OR5H2: variants seen among roughly 807,000 people sequenced by gnomAD.
OR5H2 encodes olfactory receptor 5H2.
For synonymous variants in OR5H2, 132 were observed against 126.8 expected (o/e 1.04, Z -0.27); for missense variants, 391 against 364.4 (o/e 1.07, Z -0.59).
At position 98,283,695 on chromosome 3, in the gene OR5H2, C is replaced by T; in HGVS notation, c.793C>T (p.Pro265Ser). The change falls in exon 1 of 1, where the codon CCA becomes TCA. Residue 265 changes from proline (P) to serine (S), a missense_variant. Transcript: ENST00000355273. ...LIFMYLRPAS[P>S]QADDQDMIDS... ...CTTCATGTATTTGCGCCCTGCATCT[C>T]CACAAGCAGATGACCAAGATATGAT... The T allele has an allele frequency of 1.2e-6, 2 of 1,612,864 alleles. No individual in the cohort carries two copies. Among genetic ancestry groups the T allele is most frequent in the Non-Finnish European group, 1.7e-6 (2 of 1,179,494 alleles).
At position 98,284,051 on chromosome 3, in the gene OR5H2, GA is replaced by G. The variant is rs1355333268; in HGVS notation, c.*223del. 3.3e-5 allele frequency among the ~76,000 whole-genome samples: 5 copies of G among 152,220 alleles called. No individual in the cohort carries two copies. The highest frequency in any genetic ancestry group is 1.2e-4 in the African/African-American group (5 of 41,550). On this transcript the variant is annotated 3_prime_UTR_variant, in exon 1 of 1. Coordinates refer to ENST00000355273, the MANE Select transcript of OR5H2 (RefSeq NM_001005482.2). The stretch of plus-strand genomic sequence containing the variant: ...CATGTTATATTAGATAATTAAAGCA[GA>G]AAACAAATGAAAACATTTATAGGTT...
rs1180751587 is a variant in OR5H2 at position 98,283,794 on chromosome 3, A to G, written c.892A>G (p.Ile298Val). ...CTACAGTCTGAGAAATAAACAAGTA[A>G]TAGATTCATTCACAAAAATGGTAAA... ...IIYSLRNKQV[I>V]DSFTKMVKRN... The change falls in exon 1 of 1, where the codon ATA becomes GTA. Residue 298 changes from isoleucine (I) to valine (V), a missense_variant. Ile to Val is a conservative substitution (Grantham distance 29, BLOSUM62 3). Transcript: ENST00000355273. The G allele has an allele frequency of 6.4e-7, 1 of 1,553,456 alleles. No homozygotes were observed. The highest frequency in any genetic ancestry group is 1.4e-5 in the African/African-American group (1 of 72,142).
Position 98,282,736 on chromosome 3 carries a change from C to A in OR5H2, c.-167C>A. ...CATTTATTTTGATTTCTTATATTTC[C>A]CAAAACAGTTTCCATCTATTACAGG... On this transcript the variant is annotated 5_prime_UTR_variant, in exon 1 of 1. Coordinates refer to ENST00000355273, the MANE Select transcript of OR5H2 (RefSeq NM_001005482.2). 2 of 571,464 alleles carry A rather than the reference C, an allele frequency of 3.5e-6. No homozygotes were observed. The highest frequency in any genetic ancestry group is 6.0e-6 in the Non-Finnish European group (2 of 331,478). 35.4% of individuals were successfully genotyped at this position (571,464 alleles called of 1,614,324 possible). A position where few individuals can be genotyped will look rare whatever the true frequency, so the allele number is the denominator to read the frequency against.
chr3:98,283,747 T>G lies in OR5H2; in HGVS notation c.845T>G (p.Ile282Ser), dbSNP rs771468417. Residue 282 changes from isoleucine (I) to serine (S), a missense_variant, in exon 1 of 1, where the codon ATT becomes AGT. Transcript: ENST00000355273. The stretch of plus-strand genomic sequence containing the variant: ...GACTCTGTCTTTTATACAATCATAA[T>G]TCCTTTGCTAAATCCCATTATCTAC... Reference protein sequence around the residue: ...MIDSVFYTIIIPLLNPIIYSL... With the variant: ...MIDSVFYTIISPLLNPIIYSL... The G allele has an allele frequency of 6.2e-7, 1 of 1,601,286 alleles. No homozygotes were observed. The highest frequency in any genetic ancestry group is 2.2e-5 in the East Asian group (1 of 44,778).
chr3:98,283,475 C>T lies in OR5H2; in HGVS notation c.573C>T (p.Asp191=), dbSNP rs1706159350. 1 of 1,608,922 alleles carries T rather than the reference C, an allele frequency of 6.2e-7. No individual in the cohort carries two copies. Among genetic ancestry groups the T allele is most frequent in the African/African-American group, 1.3e-5 (1 of 74,602 alleles). Residue 191 remains aspartate (D), a synonymous_variant, in exon 1 of 1, where the codon GAC becomes GAT. Transcript: ENST00000355273. ...IIPLFMISCT[D]PSINFLMVFI... The stretch of plus-strand genomic sequence containing the variant: ...CACTGTTTATGATTTCCTGTACTGA[C>T]CCTTCTATTAATTTTCTAATGGTTT...
Position 98,283,082 on chromosome 3 carries a change from C to A in OR5H2, c.180C>A (p.Tyr60Ter), listed in dbSNP as rs1381083861. Reference sequence around the variant, plus strand: ...ACCCACAACTTCACATCCCCATGTACTTTTTTCTTGGGAGTTTAGCCTTTG... The same window carrying A: ...ACCCACAACTTCACATCCCCATGTAATTTTTTCTTGGGAGTTTAGCCTTTG... The part of the protein sequence containing the change: ...WNDPQLHIPM[Y>*]FFLGSLAFVD... The change falls in exon 1 of 1, where the codon TAC becomes TAA. Residue 60 changes from tyrosine (Y) to a stop codon, truncating the protein, a stop_gained. Coordinates refer to ENST00000355273, the MANE Select transcript of OR5H2 (RefSeq NM_001005482.2). LOFTEE classifies it low-confidence loss of function (END_TRUNC). The A allele has an allele frequency of 6.2e-7, 1 of 1,613,972 alleles. No homozygotes were observed. The highest frequency in any genetic ancestry group is 2.2e-5 in the East Asian group (1 of 44,868).
Position 98,283,374 on chromosome 3 carries a change from A to T in OR5H2, c.472A>T (p.Ile158Phe). 1 of 1,611,732 alleles carries T rather than the reference A, an allele frequency of 6.2e-7. No individual in the cohort carries two copies. Residue 158 changes from isoleucine (I) to phenylalanine (F), a missense_variant, in exon 1 of 1, where the codon ATT becomes TTT. Physicochemically the swap from Ile to Phe is conservative, Grantham distance 21 (BLOSUM62 0). Transcript: ENST00000355273. ...TTTAGGTGGCTTCCTCCATGCCTTAATTCATGAAGTCCTTATATTCAGATT... is the reference window on the plus strand; with the variant it reads ...TTTAGGTGGCTTCCTCCATGCCTTATTTCATGAAGTCCTTATATTCAGATT... ...SFLGGFLHAL[I>F]HEVLIFRLTF...
In OR5H2 at chr3:98,282,911, GGAT is replaced by G; in HGVS notation, c.10_12del (p.Asp4del). The stretch of plus-strand genomic sequence containing the variant: ...GGATGTCGAATGAGGACATGGAACA[GGAT>G]AATACAACATTGCTGACAGAGTTTG... On this transcript the variant is annotated inframe_deletion, in exon 1 of 1. Transcript: ENST00000355273. 6.2e-7 allele frequency: 1 copy of G among 1,613,816 alleles called. No individual in the cohort carries two copies. Among genetic ancestry groups the G allele is most frequent in the Non-Finnish European group, 8.5e-7 (1 of 1,179,806 alleles).
In OR5H2 at chr3:98,283,169, C is replaced by T. The variant is rs200743162; in HGVS notation, c.267C>T (p.Asn89=). The T allele has an allele frequency of 6.2e-7, 1 of 1,614,044 alleles. No homozygotes were observed. The highest frequency in any genetic ancestry group is 8.5e-7 in the Non-Finnish European group (1 of 1,179,952). ...TGTTGGTTAATTTCTTGGCCAAAAA[C>T]AGGATGATATCTCTGTCTGAATGCA... ...PKMLVNFLAK[N]RMISLSECMI... The change falls in exon 1 of 1, where the codon AAC becomes AAT. Residue 89 remains asparagine, a synonymous_variant. Transcript: ENST00000355273.
At position 98,282,844 on chromosome 3, in the gene OR5H2, T is replaced by C. The variant is rs1041454833; in HGVS notation, c.-59T>C. ...CCTCCCCCAGTATTTGCTGTATAAG[T>C]CTTAGTGAATGCTCTTTTACATTTA... On this transcript the variant is annotated 5_prime_UTR_variant, in exon 1 of 1. Coordinates refer to ENST00000355273, the MANE Select transcript of OR5H2 (RefSeq NM_001005482.2). 6.8e-7 allele frequency: 1 copy of C among 1,476,642 alleles called. No homozygotes were observed. The highest frequency in any genetic ancestry group is 9.4e-7 in the Non-Finnish European group (1 of 1,059,420). 91.5% of individuals were successfully genotyped at this position (1,476,642 alleles called of 1,614,324 possible).
In OR5H2 at chr3:98,282,958, A is replaced by G; in HGVS notation, c.56A>G (p.Tyr19Cys). 1 of 1,613,988 alleles carries G rather than the reference A, an allele frequency of 6.2e-7. No homozygotes were observed. Among genetic ancestry groups the G allele is most frequent in the South Asian group, 1.1e-5 (1 of 91,072 alleles). ...GAGTTTGTTCTCACAGGACTTACATATCAGCCAGAGTGGAAAATGCCCCTG... is the reference window on the plus strand; with the variant it reads ...GAGTTTGTTCTCACAGGACTTACATGTCAGCCAGAGTGGAAAATGCCCCTG... ...LTEFVLTGLT[Y>C]QPEWKMPLFL... is the part of the protein sequence containing the mutation. The change falls in exon 1 of 1, where the codon TAT becomes TGT. Residue 19 changes from tyrosine to cysteine, a missense_variant. Tyr to Cys is a radical substitution (Grantham distance 194, BLOSUM62 -2). Coordinates refer to ENST00000355273, the MANE Select transcript of OR5H2 (RefSeq NM_001005482.2).
At position 98,283,001 on chromosome 3, in the gene OR5H2, G is replaced by A; in HGVS notation, c.99G>A (p.Val33=). The change falls in exon 1 of 1, where the codon GTG becomes GTA. Residue 33 remains valine, a synonymous_variant. Coordinates refer to ENST00000355273, the MANE Select transcript of OR5H2 (RefSeq NM_001005482.2). ...WKMPLFLVFL[V]IYLITIVWNL... is the part of the protein sequence containing the mutation. ...TGCCCCTGTTCTTGGTGTTCTTGGT[G>A]ATCTATCTCATCACTATTGTGTGGA... 1.9e-6 allele frequency: 3 copies of A among 1,613,932 alleles called. No homozygotes were observed. Among genetic ancestry groups the A allele is most frequent in the Non-Finnish European group, 2.5e-6 (3 of 1,179,894 alleles).
Position 98,282,884 on chromosome 3 carries a change from A to C in OR5H2, c.-19A>C. 1 of 1,610,018 alleles carries C rather than the reference A, an allele frequency of 6.2e-7. No homozygotes were observed. The highest frequency in any genetic ancestry group is 8.5e-7 in the Non-Finnish European group (1 of 1,177,386). Reference sequence around the variant, plus strand: ...TTTTACATTTACTGCATTTCATTTCAGGGATGTCGAATGAGGACATGGAAC... The same window carrying C: ...TTTTACATTTACTGCATTTCATTTCCGGGATGTCGAATGAGGACATGGAAC... On this transcript the variant is annotated 5_prime_UTR_variant, in exon 1 of 1. Coordinates refer to ENST00000355273, the MANE Select transcript of OR5H2 (RefSeq NM_001005482.2).
chr3:98,283,042 C>T lies in OR5H2; in HGVS notation c.140C>T (p.Ala47Val), dbSNP rs944381672. 28 of 1,613,996 alleles carry T rather than the reference C, an allele frequency of 1.7e-5. No homozygotes were observed. The highest frequency in any genetic ancestry group is 2.2e-5 in the Non-Finnish European group (26 of 1,179,924). ...ITIVWNLGLI[A>V]LIWNDPQLHI... ...ATTGTGTGGAACCTTGGTCTGATTG[C>T]TCTTATCTGGAATGACCCACAACTT... The change falls in exon 1 of 1, where the codon GCT becomes GTT. Residue 47 changes from alanine (A) to valine (V), a missense_variant. Ala to Val is a moderately conservative substitution (Grantham distance 64). Transcript: ENST00000355273.
Position 98,283,838 on chromosome 3 carries a change from AT to A in OR5H2, c.*7del, listed in dbSNP as rs1706168488. Reference sequence around the variant, plus strand: ...TGGTAAAAAGAAATGTTTAGATTTCATAGTGATATCTCTCATTTTCAGTAAA... The same window carrying A: ...TGGTAAAAAGAAATGTTTAGATTTCAAGTGATATCTCTCATTTTCAGTAAA... On this transcript the variant is annotated 3_prime_UTR_variant, in exon 1 of 1. Transcript: ENST00000355273. 1.4e-6 allele frequency: 2 copies of A among 1,441,010 alleles called. No individual in the cohort carries two copies. Among genetic ancestry groups the A allele is most frequent in the African/African-American group, 2.9e-5 (2 of 69,230 alleles). The allele number at this position is 1,441,010 out of a possible 1,614,324, so 89.3% of individuals were successfully genotyped here. A position where few individuals can be genotyped will look rare whatever the true frequency, so the allele number is the denominator to read the frequency against.
rs1163241781 is a variant in OR5H2 at position 98,283,967 on chromosome 3, C to A, written c.*135C>A. The A allele has an allele frequency of 2.3e-5, 12 of 513,612 alleles. No individual in the cohort carries two copies. The highest frequency in any genetic ancestry group is 4.0e-5 in the Non-Finnish European group (12 of 300,398). The allele number at this position is 513,612 out of a possible 1,614,324, so 31.8% of individuals were successfully genotyped here. ...GACTTAGGGTTTTATACCTAATAAA[C>A]TCCTTAAAATATTTATATATGTTAT... is the stretch of plus-strand genomic sequence containing the variant. On this transcript the variant is annotated 3_prime_UTR_variant, in exon 1 of 1. Transcript: ENST00000355273.
Position 98,283,653 on chromosome 3 carries a change from T to A in OR5H2, c.751T>A (p.Tyr251Asn). 6.2e-7 allele frequency: 1 copy of A among 1,613,604 alleles called. No individual in the cohort carries two copies. The highest frequency in any genetic ancestry group is 2.2e-5 in the East Asian group (1 of 44,846). The change falls in exon 1 of 1, where the codon TAT becomes AAT. Residue 251 changes from tyrosine to asparagine, a missense_variant. Physicochemically the swap from Tyr to Asn is moderately radical, Grantham distance 143. Coordinates refer to ENST00000355273, the MANE Select transcript of OR5H2 (RefSeq NM_001005482.2). ...CGAHLLSVSL[Y>N]YGPLIFMYLR... Reference sequence around the variant, plus strand: ...AGCCCATCTCTTATCTGTCTCTTTATATTATGGCCCACTTATCTTCATGTA... The same window carrying A: ...AGCCCATCTCTTATCTGTCTCTTTAAATTATGGCCCACTTATCTTCATGTA...
rs1215812756 is a variant in OR5H2 at position 98,282,927 on chromosome 3, C to T, written c.25C>T (p.Leu9=). ...CATGGAACAGGATAATACAACATTG[C>T]TGACAGAGTTTGTTCTCACAGGACT... The part of the protein sequence containing the change: MEQDNTTL[L]TEFVLTGLTY... Residue 9 remains leucine, a synonymous_variant, in exon 1 of 1, where the codon CTG becomes TTG. Transcript: ENST00000355273. The T allele has an allele frequency of 1.2e-6, 2 of 1,613,890 alleles. No homozygotes were observed. Among genetic ancestry groups the T allele is most frequent in the Non-Finnish European group, 1.7e-6 (2 of 1,179,854 alleles).
rs771744451 is a variant in OR5H2, at chr3:98,283,843, G to A, written c.*11G>A. ...AAAAGAAATGTTTAGATTTCATAGT[G>A]ATATCTCTCATTTTCAGTAAAAAGA... On this transcript the variant is annotated 3_prime_UTR_variant, in exon 1 of 1. Transcript: ENST00000355273. 7.1e-7 allele frequency: 1 copy of A among 1,411,262 alleles called. No homozygotes were observed. Among genetic ancestry groups the A allele is most frequent in the South Asian group, 1.3e-5 (1 of 77,700 alleles). The allele number at this position is 1,411,262 out of a possible 1,614,324, so 87.4% of individuals were successfully genotyped here. A position where few individuals can be genotyped will look rare whatever the true frequency, so the allele number is the denominator to read the frequency against.
Sources: gnomAD v4.1 joint callset for allele counts (sites outside exome capture counted in the v4.1 genomes callset) on GRCh38, gnomAD v4.1.1 for gene constraint, MANE v1.5 for transcripts, NCBI Gene and HGNC (gene_info 2026-07-23, HGNC 2026-07-21) for gene names.